Variants in GRM7 observed in about 807,000 individuals in gnomAD.
GRM7 encodes metabotropic glutamate receptor 7.
Under a neutral mutation model 84.5 loss-of-function variants are expected in GRM7, and 35 were observed. The observed-to-expected ratio is 0.41, with a 90% CI of 0.32 to 0.55. The LOEUF (loss-of-function observed/expected upper bound fraction) is 0.55, where lower values mean the gene tolerates loss of function less well. Ranked by LOEUF, GRM7 falls within the 20% of genes least tolerant of loss-of-function variation. The pLI is 0.19. For missense variants in GRM7, 1,003 were observed against 1,194.6 expected (o/e 0.84, Z 2.36); for synonymous variants, 487 against 455.1 (o/e 1.07, Z -0.89).
At chr3:6,979,605 G>A (rs113738601) in intron 1 of GRM7, among the ~76,000 whole-genome samples, 30 of 152,194 alleles carry the variant, frequency 2.0e-4, no homozygotes, top group African/African-American at 6.3e-4. Context: ...CAGAATAACA[G>A]TACTTTTACA....
intron 1 of GRM7, among the ~76,000 whole-genome samples, chr3:7,055,722 T>C (rs1352916318): frequency 6.6e-6 from 1 of 151,862 alleles, no homozygotes; most frequent in Non-Finnish European, 1.5e-5. Context: ...GATTTCACCA[T>C]GTTTGCTACG....
chr3:7,478,898 T>C (rs897584911), intron 7 of GRM7, among the ~76,000 whole-genome samples: 3 of 152,172 alleles, frequency 2.0e-5, no homozygotes, highest in East Asian at 1.9e-4. Flanking sequence ...TAATTCTTAA[T>C]TGGTCCCTAT....
intron 2 of GRM7, among the ~76,000 whole-genome samples, chr3:7,206,775 A>G (rs935927818): frequency 6.6e-6 from 1 of 152,196 alleles, no homozygotes; most frequent in Non-Finnish European, 1.5e-5. Context: ...CTTAAGAACA[A>G]GGTGATGTAA....
intron 1 of GRM7, among the ~76,000 whole-genome samples, chr3:6,966,292 T>C (rs1438965889): frequency 6.6e-6 from 1 of 152,228 alleles, no homozygotes; most frequent in Non-Finnish European, 1.5e-5. Flanking sequence ...AATGTAATAC[T>C]CCTTCACATT....
At chr3:7,534,235 A>C (rs1408847110) in intron 7 of GRM7, among the ~76,000 whole-genome samples, 1 of 152,102 alleles carries the variant, frequency 6.6e-6, no homozygotes, top group African/African-American at 2.4e-5. Context: ...GCTGGTCTTG[A>C]ACTCCTGATC....
At chr3:7,274,660 A>C (rs1040629385) in intron 2 of GRM7, among the ~76,000 whole-genome samples, 1 of 152,062 alleles carries the variant, frequency 6.6e-6, no homozygotes, top group Non-Finnish European at 1.5e-5. Context: ...ATTTCTCTAC[A>C]GGTACACTGT....
At chr3:7,098,831 A>G (rs1001806091) in intron 1 of GRM7, among the ~76,000 whole-genome samples, 4 of 151,860 alleles carry the variant, frequency 2.6e-5, no homozygotes, top group African/African-American at 9.7e-5. Context: ...TGCATTTTCC[A>G]TTTAAGGATG....
At chr3:7,549,787 A>C (rs1336425504) in intron 7 of GRM7, among the ~76,000 whole-genome samples, 2 of 152,236 alleles carry the variant, frequency 1.3e-5, no homozygotes, top group Non-Finnish European at 2.9e-5. Context: ...CGAGAAGACA[A>C]ACTTTCCCAA....
At chr3:7,220,880 C>T (rs1227441817) in intron 2 of GRM7, among the ~76,000 whole-genome samples, 1 of 152,124 alleles carries the variant, frequency 6.6e-6, no homozygotes, top group Non-Finnish European at 1.5e-5. Context: ...ATTGCATGAG[C>T]TCAGGAGTTT....
At chr3:7,566,117 T>G (rs1421858432) in intron 7 of GRM7, among the ~76,000 whole-genome samples, 6 of 150,084 alleles carry the variant, frequency 4.0e-5, no homozygotes, top group African/African-American at 1.5e-4. Context: ...TTTTTTTTTT[T>G]TTTTTTTTTT....
intron 4 of GRM7, among the ~76,000 whole-genome samples, chr3:7,311,105 A>T (rs1170992852): frequency 6.6e-6 from 1 of 152,206 alleles, no homozygotes; most frequent in African/African-American, 2.4e-5. Context: ...CTTTATGAAC[A>T]AGTTCTAGAG....
At chr3:7,084,795 T>A (rs1003906189) in intron 1 of GRM7, among the ~76,000 whole-genome samples, 1 of 152,120 alleles carries the variant, frequency 6.6e-6, no homozygotes, top group African/African-American at 2.4e-5. Context: ...GGAAATGAAA[T>A]TAGAAGAGGA....
intron 1 of GRM7, among the ~76,000 whole-genome samples, chr3:6,964,091 A>G (rs983189970): frequency 3.3e-5 from 5 of 152,180 alleles, no homozygotes; most frequent in Non-Finnish European, 7.3e-5. Context: ...GTTATTTTGA[A>G]GATCAGCAAT....
At chr3:7,677,978 A>G (rs1700203285) in intron 8 of GRM7, among the ~76,000 whole-genome samples, 1 of 152,262 alleles carries the variant, frequency 6.6e-6, no homozygotes, top group African/African-American at 2.4e-5. Context: ...GAATTAACAC[A>G]GAAACAGAAA....
At chr3:7,566,308 AGG>A (rs1694266017) in intron 7 of GRM7, among the ~76,000 whole-genome samples, 1 of 152,144 alleles carries the variant, frequency 6.6e-6, no homozygotes, top group Admixed American at 6.5e-5. Flanking sequence ...TTTGACCCAT[AGG>A]CCAGCTTGTC....
At chr3:7,090,815 T>A (rs1698636431) in intron 1 of GRM7, among the ~76,000 whole-genome samples, 1 of 152,196 alleles carries the variant, frequency 6.6e-6, no homozygotes, top group Non-Finnish European at 1.5e-5. Flanking sequence ...CATGGGTTGT[T>A]AACTCAAGGT....
In GRM7 at chr3:7,083,909, T is replaced by C. The variant is rs144857977; in HGVS notation, c.520-62543T>C. On this transcript the variant is annotated intron_variant, in intron 1 of 9. Coordinates refer to ENST00000357716, the MANE Select transcript of GRM7 (RefSeq NM_000844.4). Reference sequence around the variant, plus strand: ...GAGGTAGAAACACCAGCAACCTGAGTGGCAATGAGGTGGGAATGTGTTTGA... The same window carrying C: ...GAGGTAGAAACACCAGCAACCTGAGCGGCAATGAGGTGGGAATGTGTTTGA... Among the ~76,000 whole-genome samples, 12 of 152,144 alleles carry C rather than the reference T, an allele frequency of 7.9e-5. No individual in the cohort carries two copies. The East Asian group carries it at 2.3e-3, about 29-fold the overall frequency.
At chr3:7,533,560 G>A (rs1437455010) in intron 7 of GRM7, among the ~76,000 whole-genome samples, 1 of 152,086 alleles carries the variant, frequency 6.6e-6, no homozygotes, top group African/African-American at 2.4e-5. Flanking sequence ...TTATGCCTGT[G>A]GCCCCAAGGA....
At chr3:7,322,888 T>C (rs1700840721) in intron 4 of GRM7, among the ~76,000 whole-genome samples, 1 of 152,116 alleles carries the variant, frequency 6.6e-6, no homozygotes, top group African/African-American at 2.4e-5. Context: ...AAGTGGCGTA[T>C]GGTCGTTAGA....
Sources: allele counts gnomAD v4.1 joint callset (sites outside exome capture counted in the v4.1 genomes callset), GRCh38; gene constraint gnomAD v4.1.1; transcripts MANE v1.5; gene names NCBI Gene and HGNC (gene_info 2026-07-23, HGNC 2026-07-21).